The following FRAS1 variants were observed in gnomAD, a reference collection of about 807,000 sequenced individuals.
The protein encoded by FRAS1 is Fraser extracellular matrix complex subunit 1.
Under a neutral mutation model 435.2 loss-of-function variants are expected in FRAS1, and 290 were observed. That is an observed-to-expected ratio of 0.67 (90% CI 0.61 to 0.73). FRAS1 has a LOEUF of 0.73. Ranked by LOEUF, FRAS1 falls within the 30% of genes least tolerant of loss-of-function variation. FRAS1 has a pLI of 0.00. For missense variants in FRAS1, 4,860 were observed against 5,001.5 expected (o/e 0.97, Z 0.85); for synonymous variants, 1,800 against 1,851.0 (o/e 0.97, Z 0.71).
intron 2 of FRAS1, among the ~76,000 whole-genome samples, chr4:78,140,781 A>ATG (rs1236559243): frequency 2.0e-5 from 3 of 149,610 alleles, no homozygotes; most frequent in East Asian, 1.9e-4. Flanking sequence ...GTGTGTGTAT[A>ATG]TATATCTCAT....
chr4:78,483,328 A>G (rs1720068551), intron 58 of FRAS1, among the ~76,000 whole-genome samples: 1 of 152,178 alleles, frequency 6.6e-6, no homozygotes, highest in South Asian at 2.1e-4. Context: ...GATGTAACCT[A>G]AGTAGCATGA....
At chr4:78,447,170 T>G (rs955063345) in intron 43 of FRAS1, among the ~76,000 whole-genome samples, 9 of 149,376 alleles carry the variant, frequency 6.0e-5, no homozygotes, top group African/African-American at 2.2e-4. Context: ...TTGCCTATTC[T>G]CTTCTCAGAG....
chr4:78,114,956 G>T (rs1208108800), intron 2 of FRAS1, among the ~76,000 whole-genome samples: 2 of 152,060 alleles, frequency 1.3e-5, no homozygotes, highest in Non-Finnish European at 2.9e-5. Context: ...GTATGATATT[G>T]GCTGTGGGTT....
At chr4:78,536,191 A>ATT (rs11355997) in intron 71 of FRAS1, among the ~76,000 whole-genome samples, 4,224 of 103,990 alleles carry the variant, frequency 0.041, 206 homozygotes, top group African/African-American at 0.068. Flanking sequence ...TTGTACATGG[A>ATT]TTTTTTTTTT....
chr4:78,532,574 T>C (rs890782701), intron 70 of FRAS1, among the ~76,000 whole-genome samples: 1 of 152,178 alleles, frequency 6.6e-6, no homozygotes, highest in Non-Finnish European at 1.5e-5. Flanking sequence ...TACATAATAT[T>C]ATTGCAACTT....
At chr4:78,261,401 T>A (rs911643311) in intron 6 of FRAS1, among the ~76,000 whole-genome samples, 7 of 152,174 alleles carry the variant, frequency 4.6e-5, no homozygotes, top group African/African-American at 1.7e-4. Flanking sequence ...TTGTCTTTGA[T>A]GGGATTCTGG....
chr4:78,407,731 G>A lies in FRAS1; in HGVS notation c.4198G>A (p.Gly1400Arg), dbSNP rs1359337819. 6.2e-7 allele frequency: 1 copy of A among 1,613,734 alleles called. No individual in the cohort carries two copies. Among genetic ancestry groups the A allele is most frequent in the African/African-American group, 1.3e-5 (1 of 74,894 alleles). The part of the protein sequence containing the change: ...PADEGQHLPD[G>R]RTATPTSTFT... Reference sequence around the variant, plus strand: ...AGATGAAGGGCAGCACCTGCCTGATGGGAGGACAGCTACCCCCACCAGCAC... The same window carrying A: ...AGATGAAGGGCAGCACCTGCCTGATAGGAGGACAGCTACCCCCACCAGCAC... The change falls in exon 31 of 74, where the codon GGG becomes AGG. Residue 1400 changes from glycine (G) to arginine (R), a missense_variant. By Grantham distance (125) the Gly-to-Arg change is moderately radical. Transcript: ENST00000512123.
intron 4 of FRAS1, among the ~76,000 whole-genome samples, chr4:78,251,778 C>A (rs1001392516): frequency 3.9e-5 from 6 of 152,168 alleles, no homozygotes; most frequent in Non-Finnish European, 8.8e-5. Flanking sequence ...GCAGGAAGGG[C>A]TGAGCTGGGA....
At chr4:78,251,992 A>G (rs1404054103) in intron 4 of FRAS1, among the ~76,000 whole-genome samples, 1 of 152,220 alleles carries the variant, frequency 6.6e-6, no homozygotes, top group Admixed American at 6.5e-5. Flanking sequence ...GTAAAGTCAA[A>G]GAAAGGAAAC....
intron 20 of FRAS1, among the ~76,000 whole-genome samples, chr4:78,358,927 A>G (rs1407871006): frequency 1.3e-5 from 2 of 152,232 alleles, no homozygotes; most frequent in Non-Finnish European, 2.9e-5. Context: ...TAGTGTCCAC[A>G]TTTAATTTAA....
intron 47 of FRAS1, among the ~76,000 whole-genome samples, chr4:78,462,383 A>G (rs1268742516): frequency 2.0e-5 from 3 of 152,032 alleles, no homozygotes; most frequent in African/African-American, 7.2e-5. Flanking sequence ...TCAGAAAACA[A>G]AAAAAAAGAA....
intron 3 of FRAS1, among the ~76,000 whole-genome samples, chr4:78,240,479 T>C (rs529322346): frequency 1.2e-4 from 18 of 152,296 alleles, no homozygotes; most frequent in African/African-American, 4.3e-4. Flanking sequence ...AATGACTAGT[T>C]GGTTAGCTGA....
intron 2 of FRAS1, among the ~76,000 whole-genome samples, chr4:78,158,950 A>G (rs1721009650): frequency 6.6e-6 from 1 of 152,202 alleles, no homozygotes; most frequent in African/African-American, 2.4e-5. Flanking sequence ...GAATCAATAG[A>G]CATTGCCTGG....
At chr4:78,501,233 T>A (rs1720672904) in intron 61 of FRAS1, among the ~76,000 whole-genome samples, 1 of 152,178 alleles carries the variant, frequency 6.6e-6, no homozygotes, top group African/African-American at 2.4e-5. Context: ...TTTCTGTCCT[T>A]GTGATAGTTT....
At chr4:78,389,451 T>G (rs989030019) in intron 29 of FRAS1, among the ~76,000 whole-genome samples, 2 of 152,206 alleles carry the variant, frequency 1.3e-5, no homozygotes, top group African/African-American at 2.4e-5. Context: ...ATTTCTCAGT[T>G]TCCTGTCTCG....
chr4:78,135,289 T>G (rs1399098277), intron 2 of FRAS1, among the ~76,000 whole-genome samples: 1 of 152,194 alleles, frequency 6.6e-6, no homozygotes, highest in Non-Finnish European at 1.5e-5. Flanking sequence ...TTTTCCTGCC[T>G]CTGTGTTCCT....
At chr4:78,447,203 TAGACATC>T (rs1188068308) in intron 43 of FRAS1, among the ~76,000 whole-genome samples, 2 of 146,042 alleles carry the variant, frequency 1.4e-5, no homozygotes, top group African/African-American at 5.1e-5. Context: ...CTTCTCAGGG[TAGACATC>T]AGTGTTTAAT....
At chr4:78,492,557 A>C (rs1578356263) in intron 59 of FRAS1, among the ~76,000 whole-genome samples, 1 of 152,208 alleles carries the variant, frequency 6.6e-6, no homozygotes, top group African/African-American at 2.4e-5. Context: ...AGGATTTCCT[A>C]CTTAATAAAT....
chr4:78,064,081 T>A (rs1739880281), intron 1 of FRAS1, among the ~76,000 whole-genome samples: 1 of 151,764 alleles, frequency 6.6e-6, no homozygotes, highest in Non-Finnish European at 1.5e-5. Flanking sequence ...TCTTATAACA[T>A]ACCATAGACT....
Sources: gnomAD v4.1 joint callset for allele counts (sites outside exome capture counted in the v4.1 genomes callset) on GRCh38, gnomAD v4.1.1 for gene constraint, MANE v1.5 for transcripts, NCBI Gene and HGNC (gene_info 2026-07-23, HGNC 2026-07-21) for gene names.